Variants in SERTM1 observed in about 807,000 individuals in gnomAD.
SERTM1 encodes serine rich and transmembrane domain containing 1.
In SERTM1, 1 loss-of-function variant was observed where a neutral mutation model predicts 5.5. The observed-to-expected ratio is 0.18, with a 90% CI of 0.06 to 0.86. The LOEUF is 0.86. Among genes scored for constraint, SERTM1 ranks in the 40% least tolerant of loss-of-function variants. SERTM1 has a pLI of 0.69. For missense variants in SERTM1, 91 were observed against 122.4 expected (o/e 0.74, Z 1.21); for synonymous variants, 52 against 55.1 (o/e 0.94, Z 0.25).
intron 1 of SERTM1, among the ~76,000 whole-genome samples, chr13:36,678,696 A>ATATATATATATAT (rs1566226327): frequency 1.9e-4 from 22 of 118,558 alleles, no homozygotes; most frequent in African/African-American, 6.9e-4. Context: ...TATATATATA[A>ATATATATATATAT]AATATAGTCC....
chr13:36,689,487 AGAGT>A (rs1469133585), intron 1 of SERTM1, among the ~76,000 whole-genome samples: 2 of 146,832 alleles, frequency 1.4e-5, no homozygotes, highest in African/African-American at 5.0e-5. Context: ...CCTGGGAGAC[AGAGT>A]GAGACTCTGT....
At position 36,697,094 on chromosome 13, in the gene SERTM1, C is replaced by T. The variant is rs912752518; in HGVS notation, c.*1692C>T. On this transcript the variant is annotated 3_prime_UTR_variant, in exon 2 of 2. Coordinates refer to ENST00000315190, the MANE Select transcript of SERTM1 (RefSeq NM_203451.3). ...CATTTAACTATTTATATATCAAAAA[C>T]GTCCCCAAACACCATAAGACCAGCA... is the stretch of plus-strand genomic sequence containing the variant. 11 of 166,930 alleles carry T rather than the reference C, an allele frequency of 6.6e-5. No homozygotes were observed. The highest frequency in any genetic ancestry group is 1.0e-4 in the Non-Finnish European group (7 of 68,062). 10.3% of individuals were successfully genotyped at this position (166,930 alleles called of 1,614,324 possible). A position where few individuals can be genotyped will look rare whatever the true frequency, so the allele number is the denominator to read the frequency against.
Position 36,686,360 on chromosome 13 carries a change from C to G in SERTM1, c.-173-8546C>G, listed in dbSNP as rs537400073. Among the ~76,000 whole-genome samples, 3 of 152,300 alleles carry G rather than the reference C, an allele frequency of 2.0e-5. No homozygotes were observed. In the East Asian group the frequency reaches 5.8e-4, roughly 29 times the overall value. On this transcript the variant is annotated intron_variant, in intron 1 of 1. Transcript: ENST00000315190. Reference sequence around the variant, plus strand: ...TCCTTAGAAGTTTCTAACATTTTGGCTGACTTAGCGCATATTTTTCCAAGC... The same window carrying G: ...TCCTTAGAAGTTTCTAACATTTTGGGTGACTTAGCGCATATTTTTCCAAGC...
chr13:36,694,883 A>T, intron 1 of SERTM1, 23 bp from the exon 2 acceptor site: 1 of 556,650 alleles, frequency 1.8e-6, no homozygotes, highest in Non-Finnish European at 3.1e-6. Context: ...TGAAGAATGC[A>T]CTGACTTGCT....
In SERTM1 at chr13:36,684,287, ACT is replaced by A. The variant is rs2056726111; in HGVS notation, c.-174+10106_-174+10107del. On this transcript the variant is annotated intron_variant, in intron 1 of 1. Transcript: ENST00000315190. ...ACTCCAGCCTGGGCGACAGAGCGAG[ACT>A]CTGTCAAAAAAAAAAATTCTCTGAG... is the stretch of plus-strand genomic sequence containing the variant. Among the ~76,000 whole-genome samples the A allele has an allele frequency of 4.0e-5, 6 of 149,948 alleles. No individual in the cohort carries two copies. In the South Asian group the frequency reaches 8.4e-4, roughly 21 times the overall value.
At chr13:36,682,466 A>G (rs148096601) in intron 1 of SERTM1, among the ~76,000 whole-genome samples, 1 of 152,358 alleles carries the variant, frequency 6.6e-6, no homozygotes, top group Admixed American at 6.5e-5. Context: ...TAGAGAAAGT[A>G]GGTAGGGATT....
rs2056803552 is a variant in SERTM1 at position 36,695,006 on chromosome 13, A to C, written c.-73A>C. Reference sequence around the variant, plus strand: ...GCAAACACGATCGTGAAAAAATGCCAATCTGTCCTGTGTAAGCCCTGTGTG... The same window carrying C: ...GCAAACACGATCGTGAAAAAATGCCCATCTGTCCTGTGTAAGCCCTGTGTG... On this transcript the variant is annotated 5_prime_UTR_variant, in exon 2 of 2. Coordinates refer to ENST00000315190, the MANE Select transcript of SERTM1 (RefSeq NM_203451.3). 12 of 1,086,336 alleles carry C rather than the reference A, an allele frequency of 1.1e-5. No individual in the cohort carries two copies. The South Asian group carries it at 1.8e-4, about 16-fold the overall frequency. The allele number at this position is 1,086,336 out of a possible 1,614,324, so 67.3% of individuals were successfully genotyped here.
chr13:36,678,219 T>C (rs1050448069), intron 1 of SERTM1, among the ~76,000 whole-genome samples: 13 of 152,266 alleles, frequency 8.5e-5, no homozygotes, highest in African/African-American at 3.1e-4. Context: ...GATACAGAAA[T>C]GCACAAAATA....
intron 1 of SERTM1, among the ~76,000 whole-genome samples, chr13:36,683,713 A>C (rs762333001): frequency 2.0e-5 from 3 of 152,204 alleles, no homozygotes; most frequent in Non-Finnish European, 4.4e-5. Flanking sequence ...TTTTCTATCC[A>C]GAAGGGACAT....
At chr13:36,686,507 T>G (rs2056742224) in intron 1 of SERTM1, among the ~76,000 whole-genome samples, 1 of 152,222 alleles carries the variant, frequency 6.6e-6, no homozygotes, top group Non-Finnish European at 1.5e-5. Flanking sequence ...TCAACTAGAT[T>G]AACCAGTTAA....
Position 36,697,314 on chromosome 13 carries a change from T to TATATATATATATATATATATATATAC in SERTM1, c.*1935_*1936insTACATATATATATATATATATATATA, listed in dbSNP as rs2056822458. 9.8e-6 allele frequency: 1 copy of TATATATATATATATATATATATATAC among 102,310 alleles called. No individual in the cohort carries two copies. The highest frequency in any genetic ancestry group is 4.6e-5 in the African/African-American group (1 of 21,908). The allele number at this position is 102,310 out of a possible 1,614,324, so 6.3% of individuals were successfully genotyped here. ...ACGCACACACACACACACACATAAA[T>TATATATATATATATATATATATATAC]ATATATATATATATATATATATAAA... On this transcript the variant is annotated 3_prime_UTR_variant, in exon 2 of 2. Coordinates refer to ENST00000315190, the MANE Select transcript of SERTM1 (RefSeq NM_203451.3).
chr13:36,674,486 C>T (rs1018485668), intron 1 of SERTM1, among the ~76,000 whole-genome samples: 3 of 152,148 alleles, frequency 2.0e-5, no homozygotes, highest in African/African-American at 7.2e-5. Context: ...GTCCTTGGCC[C>T]CGTGTTGACC....
chr13:36,690,016 T>C (rs1410762957), intron 1 of SERTM1, among the ~76,000 whole-genome samples: 1 of 152,194 alleles, frequency 6.6e-6, no homozygotes, highest in African/African-American at 2.4e-5. Context: ...GTCATTTCTA[T>C]AATTTTTATC....
At chr13:36,676,383 A>G (rs1381624664) in intron 1 of SERTM1, among the ~76,000 whole-genome samples, 3 of 151,704 alleles carry the variant, frequency 2.0e-5, no homozygotes, top group Admixed American at 6.6e-5. Context: ...TCTTCTCCCT[A>G]TACTTATATT....
In SERTM1 at chr13:36,691,456, G is replaced by T. The variant is rs186718028; in HGVS notation, c.-173-3450G>T. 1.2e-4 allele frequency among the ~76,000 whole-genome samples: 18 copies of T among 152,218 alleles called. No individual in the cohort carries two copies. The East Asian group carries it at 3.5e-3, about 29-fold the overall frequency. ...TCCCTCCTTCCTCACTTCACTAGGG[G>T]ACTGCTTTTTTGTAGATTTCTTCCC... On this transcript the variant is annotated intron_variant, in intron 1 of 1. Transcript: ENST00000315190.
chr13:36,676,781 C>A (rs1322770516), intron 1 of SERTM1, among the ~76,000 whole-genome samples: 1 of 152,006 alleles, frequency 6.6e-6, no homozygotes, highest in African/African-American at 2.4e-5. Context: ...TTATAGATTT[C>A]ATGATTGTTT....
intron 1 of SERTM1, among the ~76,000 whole-genome samples, chr13:36,694,245 A>G (rs1271349561): frequency 6.6e-6 from 1 of 152,190 alleles, no homozygotes; most frequent in Non-Finnish European, 1.5e-5. Context: ...TTGACAGCCA[A>G]CCTGATACTC....
chr13:36,692,762 G>A (rs61950210), intron 1 of SERTM1, among the ~76,000 whole-genome samples: 2,578 of 152,284 alleles, frequency 0.017, 31 homozygotes, highest in Middle Eastern at 0.044. Context: ...TGGCAGATAG[G>A]AACTAATTAT....
intron 1 of SERTM1, among the ~76,000 whole-genome samples, chr13:36,687,766 C>G (rs2056751577): frequency 6.6e-6 from 1 of 151,770 alleles, no homozygotes; most frequent in Non-Finnish European, 1.5e-5. Flanking sequence ...CACACGCACA[C>G]AACAACAACA....
Sources: gnomAD v4.1 joint callset for allele counts (sites outside exome capture counted in the v4.1 genomes callset) on GRCh38, gnomAD v4.1.1 for gene constraint, MANE v1.5 for transcripts, NCBI Gene and HGNC (gene_info 2026-07-23, HGNC 2026-07-21) for gene names.